The following SYT16 variants were observed in gnomAD, a reference collection of about 807,000 sequenced individuals.
The protein encoded by SYT16 is synaptotagmin-16.
A neutral mutation model predicts 61.4 loss-of-function variants in SYT16; 42 were observed. The ratio of observed to expected loss-of-function variants is 0.68; its 90% CI spans 0.53 to 0.89. The LOEUF (loss-of-function observed/expected upper bound fraction) is 0.89, where lower values mean the gene tolerates loss of function less well. Ranked by LOEUF, SYT16 falls within the 40% of genes least tolerant of loss-of-function variation. SYT16 has a pLI of 0.00. For missense variants in SYT16, 804 were observed against 807.3 expected, an observed-to-expected ratio of 1.00 and a Z score of 0.05; for synonymous variants, 314 against 302.3, an observed-to-expected ratio of 1.04 and a Z score of -0.40.
At chr14:61,988,381 C>G (rs1335962303) in intron 2 of SYT16, among the ~76,000 whole-genome samples, 6 of 152,162 alleles carry the variant, frequency 3.9e-5, no homozygotes, top group Non-Finnish European at 8.8e-5. Flanking sequence ...CCTGGAGATG[C>G]TGAAGACCTT....
chr14:61,827,318 T>G (rs888026373), intron 1 of SYT16, among the ~76,000 whole-genome samples: 3 of 152,158 alleles, frequency 2.0e-5, no homozygotes, highest in African/African-American at 7.2e-5. Context: ...TCAGCTAGCC[T>G]GTTGTGGCAT....
intron 1 of SYT16, among the ~76,000 whole-genome samples, chr14:61,825,726 G>A (rs1221731234): frequency 1.3e-5 from 2 of 152,154 alleles, no homozygotes; most frequent in Non-Finnish European, 2.9e-5. Context: ...AGTTTCTATG[G>A]TGTATTTCTG....
chr14:61,851,402 G>T (rs754714163), intron 1 of SYT16, among the ~76,000 whole-genome samples: 4 of 152,146 alleles, frequency 2.6e-5, no homozygotes, highest in Non-Finnish European at 4.4e-5. Context: ...ATAGAATGAT[G>T]TATATTCCTT....
chr14:62,078,373 T>C (rs1420703212), intron 5 of SYT16, among the ~76,000 whole-genome samples: 2 of 152,054 alleles, frequency 1.3e-5, no homozygotes, highest in East Asian at 1.9e-4. Flanking sequence ...TGATCTGGGC[T>C]TGGGGGGAGA....
chr14:61,876,741 A>G (rs149775990), intron 1 of SYT16, among the ~76,000 whole-genome samples: 4,633 of 152,328 alleles, frequency 0.03, 127 homozygotes, highest in Non-Finnish European at 0.044. Context: ...TGTGTGTGAA[A>G]TAGCATCGGG....
At chr14:61,873,117 A>C (rs1029022069) in intron 1 of SYT16, among the ~76,000 whole-genome samples, 2 of 152,250 alleles carry the variant, frequency 1.3e-5, no homozygotes, top group African/African-American at 4.8e-5. Context: ...TATTGATTAT[A>C]GATAGATCCT....
intron 1 of SYT16, among the ~76,000 whole-genome samples, chr14:61,913,026 C>G (rs557557312): frequency 2.8e-4 from 42 of 152,148 alleles, no homozygotes; most frequent in Non-Finnish European, 4.6e-4. Context: ...TTCATTTCAT[C>G]CAGATTTTGC....
chr14:62,040,212 C>T (rs975668353), intron 3 of SYT16, among the ~76,000 whole-genome samples: 30 of 152,056 alleles, frequency 2.0e-4, no homozygotes, highest in African/African-American at 7.0e-4. Context: ...GTTTTTTCCC[C>T]AGCCTAAAAT....
In SYT16 at chr14:62,008,340, G is replaced by A. The variant is rs575291693; in HGVS notation, c.523+11798G>A. 4.6e-5 allele frequency among the ~76,000 whole-genome samples: 7 copies of A among 152,128 alleles called. No individual in the cohort carries two copies. In the East Asian group the frequency reaches 1.2e-3, roughly 25 times the overall value. ...TTAATTATGCTAAGGGCTGGTCTAG[G>A]TCATTGCTAATGGAGTTCTTAGTGC... On this transcript the variant is annotated intron_variant, in intron 3 of 7. Transcript: ENST00000683842.
intron 1 of SYT16, among the ~76,000 whole-genome samples, chr14:61,952,979 T>C (rs549556867): frequency 2.0e-5 from 3 of 152,320 alleles, no homozygotes; most frequent in South Asian, 2.1e-4. Context: ...ATTACGCTTA[T>C]AATGCCTAAC....
At chr14:62,071,137 C>G (rs1250095201) in intron 4 of SYT16, among the ~76,000 whole-genome samples, 1 of 152,214 alleles carries the variant, frequency 6.6e-6, no homozygotes, top group African/African-American at 2.4e-5. Flanking sequence ...ACCACAACAT[C>G]AGTGGCCGCT....
intron 1 of SYT16, among the ~76,000 whole-genome samples, chr14:61,829,723 T>A (rs1370429843): frequency 6.6e-6 from 1 of 152,076 alleles, no homozygotes; most frequent in African/African-American, 2.4e-5. Context: ...GGTGTGATCT[T>A]GGCTCATTGC....
chr14:62,009,465 A>G (rs1418133277), intron 3 of SYT16, among the ~76,000 whole-genome samples: 1 of 152,188 alleles, frequency 6.6e-6, no homozygotes, highest in Non-Finnish European at 1.5e-5. Flanking sequence ...CTTTTCTAAG[A>G]ATATAAAATT....
chr14:62,064,825 CAT>C (rs2055989263), intron 3 of SYT16, among the ~76,000 whole-genome samples: 1 of 152,106 alleles, frequency 6.6e-6, no homozygotes, highest in African/African-American at 2.4e-5. Flanking sequence ...AATAAGTTAA[CAT>C]ATGTCAAGCA....
chr14:62,088,149 C>T (rs1954488), intron 7 of SYT16, among the ~76,000 whole-genome samples: 84,552 of 151,988 alleles, frequency 0.56, 23,848 homozygotes, highest in Admixed American at 0.66. Context: ...AAAAAAGACC[C>T]ATGCAAGAAT....
intron 3 of SYT16, among the ~76,000 whole-genome samples, chr14:62,025,890 AC>A (rs963145799): frequency 1.3e-4 from 19 of 151,674 alleles, no homozygotes; most frequent in South Asian, 8.4e-4. Flanking sequence ...TAAAAAAAAA[AC>A]AATAAAATAT....
rs867082054 is a variant in SYT16 at position 61,862,963 on chromosome 14, T to C, written c.-325+50153T>C. Among the ~76,000 whole-genome samples, 5 of 152,372 alleles carry C rather than the reference T, an allele frequency of 3.3e-5. No individual in the cohort carries two copies. The South Asian group carries it at 8.3e-4, about 25-fold the overall frequency. On this transcript the variant is annotated intron_variant, in intron 1 of 7. Transcript: ENST00000683842. ...CATGGGTTGATAGCTTATTTCTTTT[T>C]AGCACCGAATAATGTTCTATTGTCT...
At chr14:61,855,127 A>C (rs527419918) in intron 1 of SYT16, among the ~76,000 whole-genome samples, 62 of 152,332 alleles carry the variant, frequency 4.1e-4, no homozygotes, top group African/African-American at 1.4e-3. Context: ...CATTAACTAC[A>C]AATCAAAGAC....
intron 1 of SYT16, among the ~76,000 whole-genome samples, chr14:61,913,816 AG>A (rs901857432): frequency 3.3e-5 from 5 of 151,990 alleles, no homozygotes; most frequent in African/African-American, 9.7e-5. Flanking sequence ...CATAAGAAAA[AG>A]GCTCATTCAG....
Sources: allele counts gnomAD v4.1 joint callset (sites outside exome capture counted in the v4.1 genomes callset), GRCh38; gene constraint gnomAD v4.1.1; transcripts MANE v1.5; gene names NCBI Gene and HGNC (gene_info 2026-07-23, HGNC 2026-07-21).